Variants in SOD2 observed in about 807,000 individuals in gnomAD.
The protein encoded by SOD2 is superoxide dismutase [Mn], mitochondrial.
A neutral mutation model predicts 27.0 loss-of-function variants in SOD2; 11 were observed. The observed-to-expected ratio is 0.41, with a 90% confidence interval of 0.26 to 0.67. The LOEUF (loss-of-function observed/expected upper bound fraction) is 0.67, where lower values mean the gene tolerates loss of function less well. Ranked by LOEUF, SOD2 falls within the 30% of genes least tolerant of loss-of-function variation. SOD2 has a pLI of 0.34. For synonymous variants in SOD2, 105 were observed against 103.0 expected (o/e 1.02, Z -0.12); for missense variants, 250 against 274.5 (o/e 0.91, Z 0.63).
intron 1 of SOD2, among the ~76,000 whole-genome samples, chr6:159,710,911 T>C (rs4354180): frequency 4.7e-4 from 58 of 124,586 alleles, no homozygotes; most frequent in South Asian, 1.1e-3. Flanking sequence ...ACCACTTACA[T>C]TGCTCTGATC....
intron 1 of SOD2, chr6:159,726,903 T>A: frequency 7.8e-7 from 1 of 1,288,924 alleles, no homozygotes; most frequent in Non-Finnish European, 1.0e-6. Context: ...CCACGGCCTC[T>A]CTCTTGAGGT....
In SOD2 at chr6:159,762,046, G is replaced by C. The variant is rs368969365; in HGVS notation, c.-1345C>G. On this transcript the variant is annotated 5_prime_UTR_variant, in exon 1 of 8. Coordinates refer to the SOD2 transcript ENST00000546087. ...GGGCTGCGAGGAGGAGCTTTGCCTA[G>C]CTTGCAGGCAGCGCAGGGCAGACGG... 6.2e-6 allele frequency: 10 copies of C among 1,608,326 alleles called. No individual in the cohort carries two copies. The African/African-American group carries it at 1.2e-4, about 19-fold the overall frequency.
upstream of SOD2, among the ~76,000 whole-genome samples, chr6:159,693,611 A>G (rs554149062): frequency 4.5e-4 from 68 of 152,258 alleles, no homozygotes; most frequent in Admixed American, 3.5e-3. Context: ...ATCTGGCTGC[A>G]CTAGGCGGCT....
chr6:159,686,412 C>T (rs1334551818), intron 3 of SOD2, among the ~76,000 whole-genome samples: 5 of 152,064 alleles, frequency 3.3e-5, no homozygotes, highest in Admixed American at 6.6e-5. Flanking sequence ...TTTGGGAGGC[C>T]GAGACAGGTG....
chr6:159,723,855 C>T (rs1344053335), intron 1 of SOD2, among the ~76,000 whole-genome samples: 1 of 152,128 alleles, frequency 6.6e-6, no homozygotes, highest in Non-Finnish European at 1.5e-5. Flanking sequence ...AACTCCTGGG[C>T]TCATTTGGGC....
chr6:159,752,659 TA>T (rs111964741), intron 1 of SOD2, among the ~76,000 whole-genome samples: 6,537 of 149,432 alleles, frequency 0.044, 232 homozygotes, highest in African/African-American at 0.083. Flanking sequence ...CTTAAGTCTT[TA>T]AAAAAAAAAC....
chr6:159,727,010 G>A (rs1349167253), intron 1 of SOD2: 1 of 1,248,864 alleles, frequency 8.0e-7, no homozygotes, highest in African/African-American at 1.6e-5. Context: ...CCCTCCGCAC[G>A]AGGCAGCCCC....
At chr6:159,723,166 G>A (rs1778073130) in intron 1 of SOD2, among the ~76,000 whole-genome samples, 2 of 152,210 alleles carry the variant, frequency 1.3e-5, no homozygotes, top group Non-Finnish European at 2.9e-5. Flanking sequence ...GCTACAGCAA[G>A]TTCTCAATCG....
intron 1 of SOD2, chr6:159,713,205 T>C: frequency 1.0e-6 from 1 of 1,004,790 alleles, no homozygotes; most frequent in South Asian, 1.6e-5. Flanking sequence ...AAACAGTAAT[T>C]GCGGTCTTTT....
At chr6:159,748,133 A>G, upstream of SOD2, 1 of 1,539,406 alleles carries the variant, frequency 6.5e-7, no homozygotes, top group East Asian at 2.4e-5. The surrounding 1 kb of genome is among the most constrained non-coding windows in gnomAD (Gnocchi z 5.6). Context: ...AGTTTTCCCC[A>G]CCTTCTTATG....
At chr6:159,689,776 A>T (rs1387644835) in intron 2 of SOD2, among the ~76,000 whole-genome samples, 1 of 152,000 alleles carries the variant, frequency 6.6e-6, no homozygotes, top group Non-Finnish European at 1.5e-5. Flanking sequence ...CCTGGCCAAC[A>T]TGGTGAAACC....
upstream of SOD2, among the ~76,000 whole-genome samples, chr6:159,732,267 A>AT (rs1778619830): frequency 6.6e-6 from 1 of 152,216 alleles, no homozygotes; most frequent in Non-Finnish European, 1.5e-5. Context: ...ATTGAACAGC[A>AT]TCCATGATAC....
rs1779618528 is a variant in SOD2, at chr6:159,669,882, A to G, written c.*12611T>C. The G allele has an allele frequency of 6.6e-6, 1 of 152,120 alleles. No individual in the cohort carries two copies. Among genetic ancestry groups the G allele is most frequent in the Non-Finnish European group, 1.5e-5 (1 of 68,028 alleles). The allele number at this position is 152,120 out of a possible 1,614,324, so 9.4% of individuals were successfully genotyped here. On this transcript the variant is annotated 3_prime_UTR_variant, in exon 5 of 5. Coordinates refer to ENST00000538183, the MANE Select transcript of SOD2 (RefSeq NM_000636.4). ...GTAGGCAGCATACAGTCGAGTCATG[A>G]TGGTGGTTTTTAATCCATTCAGTCA...
At chr6:159,689,932 C>T (rs1433261481) in intron 2 of SOD2, among the ~76,000 whole-genome samples, 1 of 150,828 alleles carries the variant, frequency 6.6e-6, no homozygotes, top group African/African-American at 2.4e-5. Context: ...TGCACTCCAG[C>T]CTGGGCGACA....
upstream of SOD2, among the ~76,000 whole-genome samples, chr6:159,697,642 C>T (rs559704662): frequency 2.0e-5 from 3 of 152,248 alleles, no homozygotes; most frequent in South Asian, 6.2e-4. Context: ...TGATTACGTC[C>T]ATAAAGGGCA....
At chr6:159,746,556 A>G (rs1779588088), upstream of SOD2, among the ~76,000 whole-genome samples, 1 of 152,184 alleles carries the variant, frequency 6.6e-6, no homozygotes, top group South Asian at 2.1e-4. Context: ...TTCTTTGTCT[A>G]CATGCAGTCT....
intron 1 of SOD2, chr6:159,739,075 CT>C: frequency 1.3e-6 from 2 of 1,561,486 alleles, no homozygotes; most frequent in Non-Finnish European, 1.8e-6. Context: ...AAAACAAAGT[CT>C]TTCTATAGAA....
Position 159,755,098 on chromosome 6 carries a change from G to A in SOD2, c.-336+5939C>T, listed in dbSNP as rs369846196. 3.1e-6 allele frequency: 5 copies of A among 1,614,070 alleles called. No homozygotes were observed. The African/African-American group carries it at 6.7e-5, about 22-fold the overall frequency. ...TGCAGAGTACCATTCTAGTTCTGCA[G>A]CAGCAGCTGAAGGAGACACGCCAGC... On this transcript the variant is annotated intron_variant, in intron 1 of 7. Transcript: ENST00000546087.
At chr6:159,727,227 GC>G (rs1439680630) in exon 1 of SOD2, 14 of 1,271,890 alleles carry the variant, frequency 1.1e-5, no homozygotes, top group Non-Finnish European at 1.4e-5. Flanking sequence ...GTGCCTCGAG[GC>G]CCCGATCGGG....
Sources: gnomAD v4.1 joint callset for allele counts (sites outside exome capture counted in the v4.1 genomes callset) on GRCh38, gnomAD v4.1.1 for gene constraint, Gnocchi (gnomAD v3.1) non-coding constraint, MANE v1.5 for transcripts, NCBI Gene and HGNC (gene_info 2026-07-23, HGNC 2026-07-21) for gene names.